CADM1: variants seen among roughly 807,000 people sequenced by gnomAD.
CADM1 encodes TSLC-1.
Under a neutral mutation model 53.1 loss-of-function variants are expected in CADM1, and 15 were observed. The ratio of observed to expected loss-of-function variants is 0.28; its 90% CI spans 0.19 to 0.44. The LOEUF (loss-of-function observed/expected upper bound fraction) is 0.44, where lower values mean the gene tolerates loss of function less well. Among genes scored for constraint, CADM1 ranks in the 20% least tolerant of loss-of-function variants. CADM1 has a pLI of 1.00. For missense variants in CADM1, 434 were observed against 611.3 expected (o/e 0.71, Z 3.06); for synonymous variants, 281 against 243.0 (o/e 1.16, Z -1.45).
At chr11:115,248,538 A>T (rs925784264) in intron 1 of CADM1, among the ~76,000 whole-genome samples, 7 of 152,236 alleles carry the variant, frequency 4.6e-5, no homozygotes, top group African/African-American at 1.7e-4. Context: ...CACTTATCAA[A>T]GAAGCTAATG....
intron 1 of CADM1, among the ~76,000 whole-genome samples, chr11:115,346,745 A>T (rs552305258): frequency 1.3e-5 from 2 of 152,240 alleles, no homozygotes; most frequent in African/African-American, 2.4e-5. Context: ...GTCCCCCAGA[A>T]TCCATCACAC....
intron 1 of CADM1, among the ~76,000 whole-genome samples, chr11:115,328,716 G>GCGTA (rs1945043753): frequency 1.7e-5 from 1 of 58,390 alleles, no homozygotes; most frequent in African/African-American, 7.6e-5. Flanking sequence ...ATATATATGT[G>GCGTA]TATATATATG....
intron 1 of CADM1, among the ~76,000 whole-genome samples, chr11:115,389,886 AG>A (rs1451740505): frequency 6.6e-6 from 1 of 152,196 alleles, no homozygotes; most frequent in Non-Finnish European, 1.5e-5. Flanking sequence ...ACTTATCTTC[AG>A]GAACACCTGT....
chr11:115,314,072 A>C (rs1380005697), intron 1 of CADM1, among the ~76,000 whole-genome samples: 1 of 152,212 alleles, frequency 6.6e-6, no homozygotes, highest in Non-Finnish European at 1.5e-5. Context: ...TCAACTGACT[A>C]GTCATGAGTG....
chr11:115,413,644 C>CTTTTTTTTT (rs71066424), intron 1 of CADM1, among the ~76,000 whole-genome samples: 5 of 120,916 alleles, frequency 4.1e-5, no homozygotes, highest in Admixed American at 8.2e-5. Context: ...CAGCTCAGTT[C>CTTTTTTTTT]TTTTTTTTTT....
chr11:115,478,272 T>C (rs2135404438), intron 1 of CADM1, among the ~76,000 whole-genome samples: 1 of 152,154 alleles, frequency 6.6e-6, no homozygotes, highest in South Asian at 2.1e-4. Context: ...CAAAGCATAC[T>C]CAATAGCAAC....
At chr11:115,337,401 C>CT (rs768247087) in intron 1 of CADM1, among the ~76,000 whole-genome samples, 1 of 152,152 alleles carries the variant, frequency 6.6e-6, no homozygotes, top group Non-Finnish European at 1.5e-5. Context: ...CAGCACCTCT[C>CT]TTTTCCAGAG....
intron 1 of CADM1, among the ~76,000 whole-genome samples, chr11:115,486,276 A>G (rs1325382539): frequency 5.9e-5 from 9 of 152,212 alleles, no homozygotes; most frequent in African/African-American, 2.2e-4. Flanking sequence ...TCATATTCCT[A>G]AAAAACCAAC....
At chr11:115,357,496 C>T (rs1376906513) in intron 1 of CADM1, among the ~76,000 whole-genome samples, 1 of 152,104 alleles carries the variant, frequency 6.6e-6, no homozygotes, top group Non-Finnish European at 1.5e-5. Flanking sequence ...AGGGTCCAAG[C>T]GCAGAGGTTA....
intron 1 of CADM1, among the ~76,000 whole-genome samples, chr11:115,291,535 G>C (rs374938977): frequency 6.6e-6 from 1 of 152,144 alleles, no homozygotes; most frequent in African/African-American, 2.4e-5. Context: ...ACCCCGCAGC[G>C]CTCAGTAGCA....
intron 1 of CADM1, among the ~76,000 whole-genome samples, chr11:115,335,101 T>G (rs769313720): frequency 2.0e-5 from 3 of 152,086 alleles, no homozygotes; most frequent in Non-Finnish European, 4.4e-5. Flanking sequence ...AAGATGGCAA[T>G]CTCATGCACT....
chr11:115,225,170 G>A (rs143642732), intron 5 of CADM1, among the ~76,000 whole-genome samples: 11 of 152,188 alleles, frequency 7.2e-5, no homozygotes, highest in African/African-American at 2.2e-4. Flanking sequence ...TCCCGGCAAC[G>A]TTCCTATGAG....
At position 115,293,980 on chromosome 11, in the gene CADM1, C is replaced by T. The variant is rs562871518; in HGVS notation, c.125-53560G>A. 2.0e-4 allele frequency among the ~76,000 whole-genome samples: 30 copies of T among 152,284 alleles called. No individual in the cohort carries two copies. The South Asian group carries it at 6.0e-3, about 31-fold the overall frequency. On this transcript the variant is annotated intron_variant, in intron 1 of 11. Coordinates refer to ENST00000331581, the MANE Select transcript of CADM1 (RefSeq NM_001301043.2). ...GAGGTAAATAAGGAAATTAAAACAA[C>T]ATATCTTAAGTTATTTCACAAGCAA... is the stretch of plus-strand genomic sequence containing the variant.
chr11:115,490,843 T>G (rs1025319309), intron 1 of CADM1, among the ~76,000 whole-genome samples: 1 of 152,242 alleles, frequency 6.6e-6, no homozygotes, highest in Admixed American at 6.5e-5. Flanking sequence ...AGGGACCTAT[T>G]ACTGTCCTCT....
At chr11:115,268,781 CCT>C (rs1198951808) in intron 1 of CADM1, among the ~76,000 whole-genome samples, 2 of 152,278 alleles carry the variant, frequency 1.3e-5, no homozygotes, top group East Asian at 1.9e-4. Flanking sequence ...TTCCTGAGCC[CCT>C]CTTTAGAGTC....
At position 115,169,588 on chromosome 11, in the gene CADM1, A is replaced by T; in HGVS notation, c.*6886T>A. On this transcript the variant is annotated 3_prime_UTR_variant, in exon 12 of 12. Coordinates refer to ENST00000331581, the MANE Select transcript of CADM1 (RefSeq NM_001301043.2). Reference sequence around the variant, plus strand: ...TAATTGCAACACTATAGCTGCCCTCATCACTTTATTCTGGGAGAGGAGGTT... The same window carrying T: ...TAATTGCAACACTATAGCTGCCCTCTTCACTTTATTCTGGGAGAGGAGGTT... 2.2e-6 allele frequency: 1 copy of T among 456,698 alleles called. No individual in the cohort carries two copies. Among genetic ancestry groups the T allele is most frequent in the Non-Finnish European group, 4.4e-6 (1 of 226,964 alleles). 28.3% of individuals were successfully genotyped at this position (456,698 alleles called of 1,614,324 possible).
Position 115,174,582 on chromosome 11 carries a change from G to T in CADM1, c.*1892C>A, listed in dbSNP as rs1938934033. On this transcript the variant is annotated 3_prime_UTR_variant, in exon 12 of 12. Transcript: ENST00000331581. ...CCATATTGCAATGGTTCTATCAAAG[G>T]TTAAAATAAAGACAAGAAAAATAAA... is the stretch of plus-strand genomic sequence containing the variant. 1 of 984,742 alleles carries T rather than the reference G, an allele frequency of 1.0e-6. No homozygotes were observed. The highest frequency in any genetic ancestry group is 1.2e-6 in the Non-Finnish European group (1 of 829,136). The allele number at this position is 984,742 out of a possible 1,614,324, so 61.0% of individuals were successfully genotyped here.
intron 1 of CADM1, chr11:115,397,449 G>T (rs1248175086): frequency 6.6e-6 from 1 of 152,122 alleles, no homozygotes; most frequent in Admixed American, 6.6e-5. Flanking sequence ...AAAAGTCTAT[G>T]TATCAAGATG....
chr11:115,404,327 G>GAAAAAAA lies in CADM1; in HGVS notation c.124+99937_124+99943dup, dbSNP rs1216372271. Among the ~76,000 whole-genome samples the GAAAAAAA allele has an allele frequency of 4.5e-3, 26 of 5,792 alleles. 3 individuals carry two copies. Among genetic ancestry groups the GAAAAAAA allele is most frequent in the East Asian group, 0.012 (2 of 166 alleles). 3.8% of individuals were successfully genotyped at this position (5,792 alleles called of 152,430 possible). On this transcript the variant is annotated intron_variant, in intron 1 of 11. Coordinates refer to ENST00000331581, the MANE Select transcript of CADM1 (RefSeq NM_001301043.2). ...GGCGACAGAGCAAGAATCTGTCTCGGAAAAAAAAAAAAAAAAAAAATATAT... is the reference window on the plus strand; with the variant it reads ...GGCGACAGAGCAAGAATCTGTCTCGGAAAAAAAAAAAAAAAAAAAAAAAAAAATATAT...
Sources: gnomAD v4.1 joint callset for allele counts (sites outside exome capture counted in the v4.1 genomes callset) on GRCh38, gnomAD v4.1.1 for gene constraint, MANE v1.5 for transcripts, NCBI Gene and HGNC (gene_info 2026-07-23, HGNC 2026-07-21) for gene names.